H2BC12: variants seen among roughly 807,000 people sequenced by gnomAD.
H2BC12 encodes H2B clustered histone 12.
In H2BC12, 6 loss-of-function variants were observed where a neutral mutation model predicts 6.3. That is an observed-to-expected ratio of 0.95 (90% confidence interval 0.52 to 1.87). The LOEUF is 1.87. Ranked by LOEUF, H2BC12 falls within the 40% of genes most tolerant of loss-of-function variation. H2BC12 has a pLI of 0.01. For synonymous variants in H2BC12, 132 were observed against 78.5 expected, an observed-to-expected ratio of 1.68 and a Z score of -3.60; for missense variants, 119 against 178.4, an observed-to-expected ratio of 0.67 and a Z score of 1.90.
At chr6:27,139,629 T>A in the H2BC12 span, 1 of 1,601,924 alleles carries the variant, frequency 6.2e-7, no homozygotes, top group Non-Finnish European at 8.5e-7. Context: ...AAATGGCATT[T>A]TGAAGCCCAG....
At chr6:27,140,233 T>C in the H2BC12 span, among the ~76,000 whole-genome samples, 1 of 152,218 alleles carries the variant, frequency 6.6e-6, no homozygotes, top group Non-Finnish European at 1.5e-5. Flanking sequence ...CACCACTTAT[T>C]CAAGTGCATC....
the H2BC12 span, chr6:27,139,217 C>G: frequency 3.0e-5 from 43 of 1,416,388 alleles, no homozygotes; most frequent in Non-Finnish European, 3.9e-5. Context: ...CCCGCCAAAG[C>G]TCTTCCGGTT....
chr6:27,143,937 CAAAT>C (rs370467154), downstream of H2BC12, among the ~76,000 whole-genome samples: 68 of 146,954 alleles, frequency 4.6e-4, no homozygotes, highest in Middle Eastern at 3.5e-3. Context: ...ATGAAATATA[CAAAT>C]AAATAAGTTA....
downstream of H2BC12, among the ~76,000 whole-genome samples, chr6:27,144,945 T>C (rs12111326): frequency 0.02 from 2,997 of 152,170 alleles, 100 homozygotes; most frequent in African/African-American, 0.063. Flanking sequence ...GGGCACATGC[T>C]ACCACGCCCC....
chr6:27,139,245 A>T, the H2BC12 span: 23 of 1,515,618 alleles, frequency 1.5e-5, no homozygotes, highest in Non-Finnish European at 2.0e-5. Flanking sequence ...TGGTCCGCAG[A>T]GGTTACCCAT....
At chr6:27,138,358 C>T in the H2BC12 span, among the ~76,000 whole-genome samples, 1 of 152,112 alleles carries the variant, frequency 6.6e-6, no homozygotes, top group African/African-American at 2.4e-5. Flanking sequence ...TACCCCAACC[C>T]CCCAGTGGGG....
chr6:27,141,050 GAAAA>G, the H2BC12 span, among the ~76,000 whole-genome samples: 38 of 140,364 alleles, frequency 2.7e-4, no homozygotes, highest in East Asian at 6.6e-3. Flanking sequence ...CAATCTGGGG[GAAAA>G]AAAAAAAACA....
rs779911387 is a variant in H2BC12, at chr6:27,146,828, G to A, written c.-30C>T. 1.2e-5 allele frequency: 20 copies of A among 1,606,000 alleles called. No individual in the cohort carries two copies. The highest frequency in any genetic ancestry group is 1.2e-4 in the African/African-American group (9 of 74,414). On this transcript the variant is annotated 5_prime_UTR_variant, in exon 1 of 1. Transcript: ENST00000356950. Reference sequence around the variant, plus strand: ...AAGGCGAACTACGAGCCTGAGACGAGCAGCAGATCGAGAAAACGGGAAGTA... The same window carrying A: ...AAGGCGAACTACGAGCCTGAGACGAACAGCAGATCGAGAAAACGGGAAGTA...
downstream of H2BC12, chr6:27,146,346 C>T (rs528343118): frequency 1.2e-6 from 2 of 1,606,580 alleles, no homozygotes; most frequent in Non-Finnish European, 1.7e-6. Context: ...GTTTACAGCT[C>T]TAATATCGAT....
the H2BC12 span, chr6:27,139,421 T>G: frequency 6.2e-7 from 1 of 1,614,228 alleles, no homozygotes; most frequent in Non-Finnish European, 8.5e-7. Flanking sequence ...ATTCGGCGCC[T>G]TGCTCGCCGC....
chr6:27,146,381 C>T lies in H2BC12; in HGVS notation c.*37G>A, dbSNP rs762091096. On this transcript the variant is annotated 3_prime_UTR_variant, in exon 1 of 1. Transcript: ENST00000356950. ...TAATTTAAGTGGCTCTTAAAAGAGC[C>T]TTTGGGGTTGGGCTTTAAGACGCTT... The T allele has an allele frequency of 2.5e-6, 4 of 1,613,764 alleles. No individual in the cohort carries two copies. Among genetic ancestry groups the T allele is most frequent in the South Asian group, 1.1e-5 (1 of 91,056 alleles).
At chr6:27,144,377 G>A (rs1173471866), downstream of H2BC12, among the ~76,000 whole-genome samples, 10 of 142,742 alleles carry the variant, frequency 7.0e-5, no homozygotes, top group Admixed American at 6.6e-4. Flanking sequence ...CAAGATAATC[G>A]CTTGAACCTG....
chr6:27,140,396 G>A, the H2BC12 span, among the ~76,000 whole-genome samples: 4 of 152,028 alleles, frequency 2.6e-5, no homozygotes, highest in Non-Finnish European at 5.9e-5. Flanking sequence ...TATTTTAATC[G>A]TCATGAATTT....
chr6:27,146,754 C>A lies in H2BC12; in HGVS notation c.45G>T (p.Ser15=). The change falls in exon 1 of 1, where the codon TCG becomes TCT. Residue 15 remains serine, a synonymous_variant. Coordinates refer to ENST00000356950, the MANE Select transcript of H2BC12 (RefSeq NM_001312653.2). ...TCTGCGCCTTAGTCACGGCTTTCTT[C>A]GAGCCCTTCTTGGGCGCGGGAGCGG... The part of the protein sequence containing the change: ...AKSAPAPKKG[S]KKAVTKAQKK... 6.2e-7 allele frequency: 1 copy of A among 1,614,124 alleles called. No individual in the cohort carries two copies. Among genetic ancestry groups the A allele is most frequent in the Non-Finnish European group, 8.5e-7 (1 of 1,179,926 alleles).
At chr6:27,143,846 T>TAAAAAAAA (rs34292040), downstream of H2BC12, among the ~76,000 whole-genome samples, 408 of 113,524 alleles carry the variant, frequency 3.6e-3, 6 homozygotes, top group African/African-American at 0.013. Flanking sequence ...AACTACTCTT[T>TAAAAAAAA]AAAAAAAAAA....
chr6:27,143,386 T>G (rs779529359), downstream of H2BC12, among the ~76,000 whole-genome samples: 6 of 152,076 alleles, frequency 3.9e-5, no homozygotes, highest in Non-Finnish European at 8.8e-5. Context: ...TTCACTTATA[T>G]TCCTGAAGAT....
the H2BC12 span, chr6:27,139,337 G>A: frequency 1.9e-6 from 3 of 1,613,310 alleles, no homozygotes; most frequent in South Asian, 3.3e-5. Flanking sequence ...GGAGGTAAGG[G>A]CCTGGGGAAA....
chr6:27,139,587 C>T, the H2BC12 span: 11 of 1,613,646 alleles, frequency 6.8e-6, no homozygotes, highest in Non-Finnish European at 9.3e-6. Context: ...CGCTCAAGCG[C>T]CAGGGCCGCA....
At chr6:27,146,136 A>G (rs1760074656), downstream of H2BC12, among the ~76,000 whole-genome samples, 1 of 152,236 alleles carries the variant, frequency 6.6e-6, no homozygotes, top group Non-Finnish European at 1.5e-5. Context: ...AGAGCCAGGA[A>G]GCACTTTCTG....
Sources: gnomAD v4.1 joint callset for allele counts (sites outside exome capture counted in the v4.1 genomes callset) on GRCh38, gnomAD v4.1.1 for gene constraint, MANE v1.5 for transcripts, NCBI Gene and HGNC (gene_info 2026-07-23, HGNC 2026-07-21) for gene names.